PDE8B: variants seen among roughly 807,000 people sequenced by gnomAD.
PDE8B encodes the protein phosphodiesterase 8B.
PDE8B carries 26 observed loss-of-function variants against 101.3 expected under a neutral mutation model. The ratio of observed to expected loss-of-function variants is 0.26; its 90% CI spans 0.19 to 0.36. PDE8B has a LOEUF of 0.36. PDE8B is among the 10% of genes least tolerant of loss of function. The pLI is 1.00. For missense variants in PDE8B, 810 were observed against 1,163.1 expected (o/e 0.70, Z 4.42); for synonymous variants, 424 against 429.3 (o/e 0.99, Z 0.15).
At chr5:77,352,159 T>C (rs1210818672) in intron 9 of PDE8B, among the ~76,000 whole-genome samples, 1 of 152,188 alleles carries the variant, frequency 6.6e-6, no homozygotes, top group Non-Finnish European at 1.5e-5. Context: ...CTGACCGAGG[T>C]TGTGAGCTGG....
chr5:77,351,875 A>T lies in PDE8B; in HGVS notation c.1106+722A>T, dbSNP rs4704413. On this transcript the variant is annotated intron_variant, in intron 9 of 21. Coordinates refer to ENST00000264917, the MANE Select transcript of PDE8B (RefSeq NM_003719.5). ...GTCAGAAAAAGATGAGGCCACAGTC[A>T]TCCTGCCAGGAACTGGAACAGGAGC... 3.5e-4 allele frequency among the ~76,000 whole-genome samples: 53 copies of T among 152,248 alleles called. 1 individual carries two copies. The East Asian group carries it at 8.1e-3, about 23-fold the overall frequency.
intron 9 of PDE8B, among the ~76,000 whole-genome samples, chr5:77,352,809 T>C (rs1781405754): frequency 6.6e-6 from 1 of 152,144 alleles, no homozygotes; most frequent in Non-Finnish European, 1.5e-5. Flanking sequence ...CTTGTGACAG[T>C]GATAAAGAGT....
chr5:77,306,274 C>A (rs1771187178), intron 1 of PDE8B, among the ~76,000 whole-genome samples: 1 of 152,160 alleles, frequency 6.6e-6, no homozygotes, highest in African/African-American at 2.4e-5. Flanking sequence ...AATGAAGTCT[C>A]AATCTTCACT....
At chr5:77,203,518 G>GGC in the PDE8B span, among the ~76,000 whole-genome samples, 1 of 151,884 alleles carries the variant, frequency 6.6e-6, no homozygotes, top group Admixed American at 6.6e-5. Flanking sequence ...GGCTGGCTGG[G>GGC]TGGATGGATG....
chr5:77,374,910 T>C (rs1785772432), intron 10 of PDE8B, among the ~76,000 whole-genome samples: 2 of 152,186 alleles, frequency 1.3e-5, no homozygotes, highest in African/African-American at 4.8e-5. Context: ...TCTCCCTCTG[T>C]AGCAGGTCAG....
chr5:77,268,436 T>C (rs1762158823), intron 1 of PDE8B, among the ~76,000 whole-genome samples: 1 of 152,140 alleles, frequency 6.6e-6, no homozygotes, highest in Non-Finnish European at 1.5e-5. Flanking sequence ...TGCTATCAAA[T>C]ACTGGAGCTT....
chr5:77,211,050 G>C lies in PDE8B; in HGVS notation c.125G>C (p.Gly42Ala), dbSNP rs886060754. Residue 42 changes from glycine (G) to alanine (A), a missense_variant, in exon 1 of 22, where the codon GGC becomes GCC. Physicochemically the swap from Gly to Ala is moderately conservative, Grantham distance 60. Around this residue, in one of 4 missense-constraint regions of PDE8B, gnomAD observed 159 missense variants for 146.6 expected, o/e 1.08. Coordinates refer to ENST00000264917, the MANE Select transcript of PDE8B (RefSeq NM_003719.5). The surrounding 1 kb of genome is among the most constrained non-coding windows in gnomAD (Gnocchi z 4.1). ...CAGGGCCCGGCGGCACCCCTGCCCG[G>C]CCTCTTCGTCCAGACCGACGCCGCC... ...VSQGPAAPLP[G>A]LFVQTDAADA... 6.5e-6 allele frequency: 10 copies of C among 1,533,050 alleles called. No homozygotes were observed. Among genetic ancestry groups the C allele is most frequent in the Admixed American group, 3.9e-5 (2 of 51,732 alleles). 95.0% of individuals were successfully genotyped at this position (1,533,050 alleles called of 1,614,324 possible). A position where few individuals can be genotyped will look rare whatever the true frequency, so the allele number is the denominator to read the frequency against.
the PDE8B span, among the ~76,000 whole-genome samples, chr5:77,165,761 T>A: frequency 2.0e-5 from 3 of 151,762 alleles, no homozygotes; most frequent in African/African-American, 7.3e-5. Flanking sequence ...ATCCCAGCAC[T>A]TTGGGAGGCC....
the PDE8B span, among the ~76,000 whole-genome samples, chr5:77,127,281 G>A: frequency 1.3e-5 from 2 of 152,070 alleles, no homozygotes; most frequent in East Asian, 3.9e-4. Context: ...TATGGGGGAG[G>A]TTTCCCCCAT....
chr5:77,377,302 C>T (rs182072974), intron 10 of PDE8B, among the ~76,000 whole-genome samples: 178 of 152,314 alleles, frequency 1.2e-3, no homozygotes, highest in Non-Finnish European at 2.0e-3. Context: ...ATCTGGGCCC[C>T]ATTAGGCTAG....
intron 6 of PDE8B, among the ~76,000 whole-genome samples, chr5:77,344,391 C>T (rs12187512): frequency 0.34 from 52,217 of 152,164 alleles, 9,761 homozygotes; most frequent in African/African-American, 0.48. Context: ...GTTGAAATAT[C>T]GTTATGAGTT....
At chr5:77,382,450 A>G (rs1420110020) in intron 10 of PDE8B, among the ~76,000 whole-genome samples, 2 of 152,126 alleles carry the variant, frequency 1.3e-5, no homozygotes, top group Admixed American at 1.3e-4. Flanking sequence ...TTTTAATTAT[A>G]CTTCAAGTTC....
rs76498119 is a variant in PDE8B at position 77,237,605 on chromosome 5, T to C, written c.339+26341T>C. 5.4e-4 allele frequency among the ~76,000 whole-genome samples: 82 copies of C among 152,300 alleles called. 1 individual carries two copies. In the East Asian group the frequency reaches 0.011, roughly 21 times the overall value. On this transcript the variant is annotated intron_variant, in intron 1 of 21. Coordinates refer to ENST00000264917, the MANE Select transcript of PDE8B (RefSeq NM_003719.5). The stretch of plus-strand genomic sequence containing the variant: ...TCCATTAGGCCATGTCATAAATTTT[T>C]CTTTCAACTGTCAAACATACTTTAA...
the PDE8B span, among the ~76,000 whole-genome samples, chr5:77,136,910 A>G: frequency 1.3e-5 from 2 of 152,114 alleles, no homozygotes; most frequent in Admixed American, 6.5e-5. Flanking sequence ...GGTGAGGACT[A>G]TATGTTTATT....
chr5:77,171,827 G>C, the PDE8B span, among the ~76,000 whole-genome samples: 3 of 152,188 alleles, frequency 2.0e-5, no homozygotes, highest in African/African-American at 7.2e-5. Flanking sequence ...CCAGCCCTGT[G>C]CTCGTGCCTT....
rs117110969 is a variant in PDE8B at position 77,362,565 on chromosome 5, G to A, written c.1167+9159G>A. Among the ~76,000 whole-genome samples the A allele has an allele frequency of 1.7e-4, 26 of 152,308 alleles. No homozygotes were observed. The East Asian group carries it at 4.8e-3, about 28-fold the overall frequency. On this transcript the variant is annotated intron_variant, in intron 10 of 21. Transcript: ENST00000264917. ...CAGCAAGCTGGTGGTTAAACTCTTA[G>A]CAGCATACTGTTGACTACTATCCTA... is the stretch of plus-strand genomic sequence containing the variant.
At chr5:77,205,940 C>G (rs1747466237), upstream of PDE8B, among the ~76,000 whole-genome samples, 1 of 152,058 alleles carries the variant, frequency 6.6e-6, no homozygotes, top group Admixed American at 6.5e-5. Flanking sequence ...AACATTGCTA[C>G]CAACAACTTT....
chr5:77,127,381 CCACCCTGTGAAGGT>C, the PDE8B span, among the ~76,000 whole-genome samples: 1 of 152,146 alleles, frequency 6.6e-6, no homozygotes, highest in Admixed American at 6.5e-5. Context: ...CTCACTCCCG[CCACCCTGTGAAGGT>C]CTTTGCTTCC....
intron 2 of PDE8B, among the ~76,000 whole-genome samples, chr5:77,318,743 G>A (rs1162306189): frequency 6.6e-6 from 1 of 152,146 alleles, no homozygotes; most frequent in Admixed American, 6.5e-5. Context: ...TTGGCCACTT[G>A]TTTAGTATTA....
Sources: gnomAD v4.1 joint callset for allele counts (sites outside exome capture counted in the v4.1 genomes callset) on GRCh38, gnomAD v4.1.1 for gene constraint, gnomAD v4.1.1 regional missense constraint, Gnocchi (gnomAD v3.1) non-coding constraint, MANE v1.5 for transcripts, NCBI Gene and HGNC (gene_info 2026-07-23, HGNC 2026-07-21) for gene names.